The following CMYA5 variants were observed in gnomAD, a reference collection of about 807,000 sequenced individuals.
The protein encoded by CMYA5 is cardiomyopathy-associated protein 5.
A neutral mutation model predicts 318.9 loss-of-function variants in CMYA5; 246 were observed. The observed-to-expected ratio is 0.77, with a 90% CI of 0.70 to 0.86. CMYA5 has a LOEUF of 0.86. CMYA5 is among the 40% of genes least tolerant of loss of function. The pLI is 0.00. For synonymous variants in CMYA5, 1,641 were observed against 1,729.5 expected (o/e 0.95, Z 1.27); for missense variants, 4,589 against 4,678.2 (o/e 0.98, Z 0.56).
chr5:79,716,820 A>G (rs1827528130), intron 1 of CMYA5, among the ~76,000 whole-genome samples: 1 of 152,250 alleles, frequency 6.6e-6, no homozygotes, highest in African/African-American at 2.4e-5. Flanking sequence ...CAACATCCGT[A>G]TACATCCTAG....
At chr5:79,743,716 T>G (rs1280556021) in intron 2 of CMYA5, 111 bp from the exon 3 acceptor site, 2 of 569,980 alleles carry the variant, frequency 3.5e-6, no homozygotes. Context: ...GTGGATATAG[T>G]ATAGTAAGTC....
intron 6 of CMYA5, among the ~76,000 whole-genome samples, chr5:79,754,508 G>A (rs1014521863): frequency 1.2e-4 from 19 of 152,168 alleles, no homozygotes; most frequent in Non-Finnish European, 2.1e-4. Context: ...AAACACAGCC[G>A]GTTGGGGTGT....
rs1828143679 is a variant in CMYA5, at chr5:79,738,712, A to G, written c.9947A>G (p.Asn3316Ser). 6.2e-7 allele frequency: 1 copy of G among 1,613,844 alleles called. No individual in the cohort carries two copies. The highest frequency in any genetic ancestry group is 8.5e-7 in the Non-Finnish European group (1 of 1,179,872). ...ESVDHVETVG[N>S]VAMQKKAPIT... Reference sequence around the variant, plus strand: ...GTAGACCATGTGGAGACCGTTGGTAACGTAGCGATGCAGAAGAAAGCTCCC... The same window carrying G: ...GTAGACCATGTGGAGACCGTTGGTAGCGTAGCGATGCAGAAGAAAGCTCCC... Residue 3316 changes from asparagine to serine, a missense_variant, in exon 2 of 13, where the codon AAC (asparagine) becomes AGC (serine). Coordinates refer to ENST00000446378, the MANE Select transcript of CMYA5 (RefSeq NM_153610.5).
At chr5:79,787,952 G>T (rs1981970) in intron 9 of CMYA5, among the ~76,000 whole-genome samples, 1 of 151,934 alleles carries the variant, frequency 6.6e-6, no homozygotes, top group Admixed American at 6.5e-5. Context: ...TTCATCTGTG[G>T]ATGAACAGTG....
At chr5:79,777,573 A>C (rs1580802482) in intron 9 of CMYA5, among the ~76,000 whole-genome samples, 1 of 151,526 alleles carries the variant, frequency 6.6e-6, no homozygotes, top group South Asian at 2.1e-4. Context: ...GGAGTTTGAG[A>C]CCAGCCTGGC....
At chr5:79,762,997 G>A in intron 8 of CMYA5, 65 bp from the exon 9 acceptor site, 1 of 1,531,272 alleles carries the variant, frequency 6.5e-7, no homozygotes, top group Non-Finnish European at 8.9e-7. Flanking sequence ...AAGATCACGT[G>A]CTTCTCAGGT....
intron 5 of CMYA5, among the ~76,000 whole-genome samples, chr5:79,750,386 A>G (rs1268937419): frequency 6.6e-6 from 1 of 152,110 alleles, no homozygotes; most frequent in Non-Finnish European, 1.5e-5. Context: ...GTGTTAATCA[A>G]CTCTTGAGGT....
intron 9 of CMYA5, among the ~76,000 whole-genome samples, chr5:79,770,822 T>G (rs181043484): frequency 6.6e-6 from 1 of 152,180 alleles, no homozygotes; most frequent in African/African-American, 2.4e-5. Flanking sequence ...ATGTGAAATT[T>G]TATATGACTG....
At chr5:79,744,268 T>A (rs1047875631) in intron 3 of CMYA5, among the ~76,000 whole-genome samples, 2 of 152,208 alleles carry the variant, frequency 1.3e-5, no homozygotes, top group Non-Finnish European at 2.9e-5. Context: ...AGAAACCAAG[T>A]CTTAGAGTAC....
chr5:79,764,037 A>G (rs548676286), intron 9 of CMYA5, among the ~76,000 whole-genome samples: 58 of 151,872 alleles, frequency 3.8e-4, no homozygotes, highest in African/African-American at 1.4e-3. Context: ...GTTCTGGGAT[A>G]TGTGTTCAGA....
chr5:79,732,637 C>A lies in CMYA5; in HGVS notation c.3872C>A (p.Ser1291Tyr), dbSNP rs1827942609. 1 of 1,613,464 alleles carries A rather than the reference C, an allele frequency of 6.2e-7. No homozygotes were observed. The highest frequency in any genetic ancestry group is 8.5e-7 in the Non-Finnish European group (1 of 1,179,694). Reference protein sequence around the residue: ...PYSPLKETSLSGPEALSAVKM... With the variant: ...PYSPLKETSLYGPEALSAVKM... ...TCACCTCTAAAGGAAACATCTTTATCTGGACCTGAGGCTTTATCAGCAGTG... is the reference window on the plus strand; with the variant it reads ...TCACCTCTAAAGGAAACATCTTTATATGGACCTGAGGCTTTATCAGCAGTG... The change falls in exon 2 of 13, where the codon TCT becomes TAT. Residue 1291 changes from serine to tyrosine, a missense_variant. Physicochemically the swap from Ser to Tyr is moderately radical, Grantham distance 144. Transcript: ENST00000446378.
In CMYA5 at chr5:79,752,720, C is replaced by T; in HGVS notation, c.11036C>T (p.Pro3679Leu). Residue 3679 changes from proline (P) to leucine (L), a missense_variant, in exon 6 of 13, where the codon CCT becomes CTT. By Grantham distance (98) the Pro-to-Leu change is moderately conservative. This residue lies in a region of CMYA5 where 2,431 missense variants were observed against 2,495.1 expected (regional missense o/e 0.97). Coordinates refer to ENST00000446378, the MANE Select transcript of CMYA5 (RefSeq NM_153610.5). ...MESTASLEKM[P>L]AAFSLFEHYD... ...AGCACTGCTTCTTTAGAGAAAATGC[C>T]TGCTGCGTTTTCCCTTTTCGAACAT... 6.2e-7 allele frequency: 1 copy of T among 1,613,634 alleles called. No homozygotes were observed. Among genetic ancestry groups the T allele is most frequent in the Non-Finnish European group, 8.5e-7 (1 of 1,179,648 alleles).
In CMYA5 at chr5:79,799,713, C is replaced by T. The variant is rs938106864; in HGVS notation, c.*97C>T. 2.6e-5 allele frequency: 38 copies of T among 1,440,540 alleles called. No homozygotes were observed. Among genetic ancestry groups the T allele is most frequent in the East Asian group, 5.0e-5 (2 of 39,930 alleles). 89.2% of individuals were successfully genotyped at this position (1,440,540 alleles called of 1,614,324 possible). On this transcript the variant is annotated 3_prime_UTR_variant, in exon 13 of 13. Coordinates refer to ENST00000446378, the MANE Select transcript of CMYA5 (RefSeq NM_153610.5). ...GCTATACATTATTCAAAAAGTCTCC[C>T]GCGCATTTGCACTAATGATGGCTGC... is the stretch of plus-strand genomic sequence containing the variant.
chr5:79,758,361 A>C (rs1398767327), intron 6 of CMYA5, among the ~76,000 whole-genome samples: 4 of 151,216 alleles, frequency 2.6e-5, no homozygotes, highest in African/African-American at 9.7e-5. Context: ...ATGAAACCCT[A>C]TCTCTACTAA....
intron 1 of CMYA5, among the ~76,000 whole-genome samples, chr5:79,715,449 G>A (rs527465348): frequency 1.6e-4 from 24 of 152,008 alleles, no homozygotes; most frequent in African/African-American, 4.3e-4. Flanking sequence ...CACCACGCCC[G>A]GCTAATTTTT....
At position 79,733,386 on chromosome 5, in the gene CMYA5, G is replaced by A. The variant is rs1219659891; in HGVS notation, c.4621G>A (p.Glu1541Lys). 2 of 1,613,460 alleles carry A rather than the reference G, an allele frequency of 1.2e-6. No individual in the cohort carries two copies. The highest frequency in any genetic ancestry group is 2.2e-5 in the East Asian group (1 of 44,880). The stretch of plus-strand genomic sequence containing the variant: ...CCTATGGGGTGAGATAAAGAAGAAA[G>A]AAACTGAACTTCCTTCATCACAAAA... ...LSLWGEIKKK[E>K]TELPSSQNVS... The change falls in exon 2 of 13, where the codon GAA becomes AAA. Residue 1541 changes from glutamate (E) to lysine (K), a missense_variant. Glu to Lys is a moderately conservative substitution (Grantham distance 56). This residue lies in a region of CMYA5 where 2,132 missense variants were observed against 2,131.3 expected (regional missense o/e 1.00). Transcript: ENST00000446378.
In CMYA5 at chr5:79,732,399, G is replaced by T. The variant is rs745393701; in HGVS notation, c.3634G>T (p.Asp1212Tyr). 1.2e-6 allele frequency: 2 copies of T among 1,613,602 alleles called. No homozygotes were observed. Among genetic ancestry groups the T allele is most frequent in the Non-Finnish European group, 1.7e-6 (2 of 1,179,804 alleles). Residue 1212 changes from aspartate to tyrosine, a missense_variant, in exon 2 of 13, where the codon GAT becomes TAT. Asp to Tyr is a radical substitution (Grantham distance 160). Around this residue, in one of 3 missense-constraint regions of CMYA5, gnomAD observed 2,132 missense variants for 2,131.3 expected, o/e 1.00. Coordinates refer to ENST00000446378, the MANE Select transcript of CMYA5 (RefSeq NM_153610.5). ...SKVRKEEIVPDSQEATAHVSQ... is the reference protein window; with the variant it reads ...SKVRKEEIVPYSQEATAHVSQ... ...AGTCAGAAAGGAAGAAATTGTGCCTGATTCTCAAGAAGCTACAGCACATGT... is the reference window on the plus strand; with the variant it reads ...AGTCAGAAAGGAAGAAATTGTGCCTTATTCTCAAGAAGCTACAGCACATGT...
chr5:79,734,210 T>C lies in CMYA5; in HGVS notation c.5445T>C (p.Ser1815=), dbSNP rs1186566619. 6.2e-7 allele frequency: 1 copy of C among 1,613,710 alleles called. No homozygotes were observed. Among genetic ancestry groups the C allele is most frequent in the African/African-American group, 1.3e-5 (1 of 74,914 alleles). Residue 1815 remains serine, a synonymous_variant, in exon 2 of 13, where the codon TCT becomes TCC. Coordinates refer to ENST00000446378, the MANE Select transcript of CMYA5 (RefSeq NM_153610.5). The stretch of plus-strand genomic sequence containing the variant: ...CAGAACCATCAAAGATTGCTCCTTC[T>C]GACCTCCTTGTAGAACAAAAAAAGA... ...SITEPSKIAP[S]DLLVEQKKTE...
chr5:79,729,559 C>A lies in CMYA5; in HGVS notation c.794C>A (p.Ala265Glu), dbSNP rs780823706. 8 of 1,613,160 alleles carry A rather than the reference C, an allele frequency of 5.0e-6. No homozygotes were observed. The highest frequency in any genetic ancestry group is 1.7e-4 in the Middle Eastern group (1 of 6,058). ...ATACATTATAGGAAAGGGAAAGATG[C>A]ATCCATTAGTCTAGAGCCAGATTTG... The part of the protein sequence containing the change: ...KEIHYRKGKD[A>E]SISLEPDLDN... The change falls in exon 2 of 13, where the codon GCA (alanine) becomes GAA (glutamate). Residue 265 changes from alanine to glutamate, a missense_variant. Transcript: ENST00000446378.
Sources: gnomAD v4.1 joint callset for allele counts (sites outside exome capture counted in the v4.1 genomes callset) on GRCh38, gnomAD v4.1.1 for gene constraint, gnomAD v4.1.1 regional missense constraint, MANE v1.5 for transcripts, NCBI Gene and HGNC (gene_info 2026-07-23, HGNC 2026-07-21) for gene names.